Variants in YEATS2 observed in about 807,000 individuals in gnomAD.
The protein encoded by YEATS2 is YEATS domain-containing protein 2.
YEATS2 carries 77 observed loss-of-function variants against 163.2 expected under a neutral mutation model. That is an observed-to-expected ratio of 0.47 (90% CI 0.39 to 0.57). The LOEUF (loss-of-function observed/expected upper bound fraction) is 0.57, where lower values mean the gene tolerates loss of function less well. Ranked by LOEUF, YEATS2 falls within the 20% of genes least tolerant of loss-of-function variation. The probability of loss-of-function intolerance (pLI) is 0.00; values close to 1 mark genes in which losing one functional copy is unlikely to be tolerated. For synonymous variants in YEATS2, 631 were observed against 645.1 expected, an observed-to-expected ratio of 0.98 and a Z score of 0.33; for missense variants, 1,549 against 1,729.8, an observed-to-expected ratio of 0.90 and a Z score of 1.85.
chr3:183,702,762 A>T lies in YEATS2; in HGVS notation c.-20+4769A>T, dbSNP rs1284855956. ...GACAGGAGAATTTCTTGAACCCGGG[A>T]GGCGGAGGTTGCAGTGAGCCAAGAT... On this transcript the variant is annotated intron_variant, in intron 1 of 30. Coordinates refer to ENST00000305135, the MANE Select transcript of YEATS2 (RefSeq NM_018023.5). 2.6e-5 allele frequency among the ~76,000 whole-genome samples: 4 copies of T among 151,158 alleles called. No individual in the cohort carries two copies. The South Asian group carries it at 8.4e-4, about 32-fold the overall frequency.
chr3:183,718,708 T>G (rs1716168327), intron 4 of YEATS2, 116 bp downstream of exon 4: 5 of 889,320 alleles, frequency 5.6e-6, no homozygotes, highest in South Asian at 1.9e-5. Context: ...TGTTTTTTGG[T>G]TTTTTTTTGA....
intron 6 of YEATS2, among the ~76,000 whole-genome samples, chr3:183,725,329 C>T (rs1315912130): frequency 6.6e-6 from 1 of 152,128 alleles, no homozygotes; most frequent in Non-Finnish European, 1.5e-5. Context: ...AATGGTAAAT[C>T]CTCAGATACT....
intron 19 of YEATS2, among the ~76,000 whole-genome samples, chr3:183,781,755 A>G (rs561875947): frequency 6.6e-6 from 1 of 152,096 alleles, no homozygotes; most frequent in African/African-American, 2.4e-5. Flanking sequence ...AAAAGAAACT[A>G]CCTGGGCCAT....
intron 28 of YEATS2, 196 bp downstream of exon 28, chr3:183,807,288 C>A: frequency 1.7e-6 from 1 of 577,534 alleles, no homozygotes; most frequent in Non-Finnish European, 3.1e-6. Context: ...TCCCACCGTC[C>A]CACATCAGAG....
At position 183,728,730 on chromosome 3, in the gene YEATS2, A is replaced by G. The variant is rs1462096410; in HGVS notation, c.691A>G (p.Thr231Ala). Residue 231 changes from threonine to alanine, a missense_variant, in exon 7 of 31, where the codon ACT becomes GCT. Thr to Ala is a moderately conservative substitution (Grantham distance 58). Transcript: ENST00000305135. ...PDKREENDQS[T>A]HKWMVYVRGS... is the part of the protein sequence containing the mutation. ...TAAGAGGGAAGAAAATGACCAGTCA[A>G]CTCATAAGTGGATGGTATATGTCCG... The G allele has an allele frequency of 3.7e-6, 6 of 1,613,676 alleles. No homozygotes were observed. The South Asian group carries it at 6.6e-5, about 18-fold the overall frequency.
At chr3:183,773,083 C>G (rs1722644626) in intron 16 of YEATS2, among the ~76,000 whole-genome samples, 1 of 152,150 alleles carries the variant, frequency 6.6e-6, no homozygotes, top group Non-Finnish European at 1.5e-5. Context: ...TGTACATGTT[C>G]AGTACAGATG....
intron 13 of YEATS2, 104 bp from the exon 14 acceptor site, chr3:183,761,403 T>C (rs1409902205): frequency 8.9e-7 from 1 of 1,121,064 alleles, no homozygotes; most frequent in Non-Finnish European, 1.3e-6. Context: ...TTTATTTCTT[T>C]ATATTGCTAG....
intron 15 of YEATS2, among the ~76,000 whole-genome samples, chr3:183,764,943 C>T (rs1017307876): frequency 6.6e-6 from 1 of 152,318 alleles, no homozygotes; most frequent in South Asian, 2.1e-4. Context: ...AAACTTACTG[C>T]ATCGGATTCT....
intron 21 of YEATS2, among the ~76,000 whole-genome samples, chr3:183,792,789 A>G (rs887131698): frequency 2.0e-5 from 3 of 152,148 alleles, no homozygotes; most frequent in Admixed American, 6.5e-5. Flanking sequence ...GATTACAGGC[A>G]TGAGCCACCA....
At chr3:183,796,748 T>C (rs1397340085) in intron 21 of YEATS2, among the ~76,000 whole-genome samples, 2 of 152,108 alleles carry the variant, frequency 1.3e-5, no homozygotes, top group African/African-American at 4.8e-5. Context: ...TCCAGAGCTA[T>C]GTACAAAATC....
chr3:183,751,372 A>G (rs77080042), intron 9 of YEATS2, among the ~76,000 whole-genome samples: 8 of 152,328 alleles, frequency 5.3e-5, no homozygotes, highest in Admixed American at 5.2e-4. Flanking sequence ...GAGACCTCCA[A>G]CTTTGTTCTT....
chr3:183,714,968 AT>A (rs1383125199), intron 1 of YEATS2, among the ~76,000 whole-genome samples, 175 bp from the exon 2 acceptor site: 4 of 151,956 alleles, frequency 2.6e-5, no homozygotes, highest in African/African-American at 9.7e-5. Flanking sequence ...TAAAAGAAAT[AT>A]GTATATGTGT....
intron 1 of YEATS2, among the ~76,000 whole-genome samples, chr3:183,707,790 TCTC>T (rs1328702658): frequency 6.6e-6 from 1 of 150,694 alleles, no homozygotes; most frequent in African/African-American, 2.5e-5. Flanking sequence ...TTCAAGCAAT[TCTC>T]CTGCCCTGAG....
At chr3:183,759,053 C>G (rs987378653) in intron 13 of YEATS2, 88 bp downstream of exon 13, 1 of 901,068 alleles carries the variant, frequency 1.1e-6, no homozygotes, top group Admixed American at 3.3e-5. Context: ...GATGGGGTCT[C>G]CCCGTATTAA....
intron 17 of YEATS2, among the ~76,000 whole-genome samples, chr3:183,774,268 G>A (rs925844680): frequency 1.3e-5 from 2 of 152,202 alleles, no homozygotes; most frequent in African/African-American, 4.8e-5. Context: ...TACTGCCTGA[G>A]CTCCGCCTCC....
chr3:183,735,588 A>G (rs1315077584), intron 7 of YEATS2, among the ~76,000 whole-genome samples: 1 of 152,136 alleles, frequency 6.6e-6, no homozygotes, highest in Non-Finnish European at 1.5e-5. Flanking sequence ...TGTGCTCGTT[A>G]ATTCACATCT....
At chr3:183,787,862 G>A (rs935845424) in intron 20 of YEATS2, among the ~76,000 whole-genome samples, 10 of 152,036 alleles carry the variant, frequency 6.6e-5, no homozygotes, top group Non-Finnish European at 1.3e-4. Flanking sequence ...AATTAGCGGG[G>A]CGTGGTGACG....
rs200048624 is a variant in YEATS2, at chr3:183,722,278, CTTTTTTTTTTTTT to C, written c.537+158_537+170del. On this transcript the variant is annotated intron_variant, in intron 5 of 30. Coordinates refer to ENST00000305135, the MANE Select transcript of YEATS2 (RefSeq NM_018023.5). ...TCCTTTTATAATGGGGAAACCAAAT[CTTTTTTTTTTTTT>C]TTTTTTTTTTTTTTTGAGACAGAGT... 2.4e-3 allele frequency: 748 copies of C among 309,736 alleles called. 2 individuals are homozygous for C. Among genetic ancestry groups the C allele is most frequent in the East Asian group, 8.0e-3 (119 of 14,790 alleles). 19.2% of individuals were successfully genotyped at this position (309,736 alleles called of 1,614,324 possible). A position where few individuals can be genotyped will look rare whatever the true frequency, so the allele number is the denominator to read the frequency against.
chr3:183,775,306 C>G (rs1722849282), intron 17 of YEATS2, among the ~76,000 whole-genome samples: 1 of 152,158 alleles, frequency 6.6e-6, no homozygotes, highest in African/African-American at 2.4e-5. Context: ...GATTAAAATA[C>G]TTGGCTAGAG....
Sources: allele counts gnomAD v4.1 joint callset (sites outside exome capture counted in the v4.1 genomes callset), GRCh38; gene constraint gnomAD v4.1.1; transcripts MANE v1.5; gene names NCBI Gene and HGNC (gene_info 2026-07-23, HGNC 2026-07-21).